The following NUMB variants were observed in gnomAD, a reference collection of about 807,000 sequenced individuals.
The protein encoded by NUMB is NUMB endocytic adaptor protein.
NUMB carries 29 observed loss-of-function variants against 59.7 expected under a neutral mutation model. That is an observed-to-expected ratio of 0.49 (90% CI 0.36 to 0.66). The LOEUF is 0.66. Among genes scored for constraint, NUMB ranks in the 30% least tolerant of loss-of-function variants. The pLI, the probability that NUMB is intolerant of heterozygous loss-of-function variation, is 0.00. For missense variants in NUMB, 723 were observed against 822.0 expected (o/e 0.88, Z 1.47); for synonymous variants, 288 against 288.2 (o/e 1.00, Z 0.01).
intron 2 of NUMB, among the ~76,000 whole-genome samples, chr14:73,407,189 C>T (rs1394095556): frequency 6.6e-6 from 1 of 151,922 alleles, no homozygotes. Context: ...AACAAACTCA[C>T]TCCTGTCATC....
intron 1 of NUMB, among the ~76,000 whole-genome samples, chr14:73,418,851 G>C (rs1210174099): frequency 6.6e-6 from 1 of 151,730 alleles, no homozygotes; most frequent in African/African-American, 2.4e-5. Context: ...ACAACTTCTA[G>C]ACTGGAATGA....
intron 1 of NUMB, among the ~76,000 whole-genome samples, chr14:73,435,352 C>T (rs1001077469): frequency 1.4e-5 from 2 of 147,818 alleles, no homozygotes; most frequent in African/African-American, 2.5e-5. Flanking sequence ...CGACTCACTA[C>T]AAGCTCCACC....
chr14:73,321,623 A>G (rs904126411), intron 5 of NUMB, among the ~76,000 whole-genome samples: 3 of 152,226 alleles, frequency 2.0e-5, no homozygotes, highest in Non-Finnish European at 4.4e-5. Context: ...ATTATCTGAG[A>G]CTATGTTCAA....
At chr14:73,316,488 C>T (rs1891091864) in intron 5 of NUMB, 66 bp from the exon 6 acceptor site, 18 of 1,445,984 alleles carry the variant, frequency 1.2e-5, no homozygotes, top group Admixed American at 5.3e-5. Flanking sequence ...GAGTTTCACA[C>T]CAATAAGCAC....
chr14:73,346,881 C>A (rs767874504), intron 4 of NUMB, among the ~76,000 whole-genome samples: 1 of 152,144 alleles, frequency 6.6e-6, no homozygotes, highest in Non-Finnish European at 1.5e-5. Flanking sequence ...AGCATTCTTC[C>A]TTCATTTTAA....
intron 2 of NUMB, among the ~76,000 whole-genome samples, chr14:73,398,095 C>CA (rs1289524073): frequency 1.3e-5 from 2 of 151,958 alleles, no homozygotes; most frequent in Non-Finnish European, 2.9e-5. Flanking sequence ...CCCAGTTTCA[C>CA]AAAAAGAGCA....
At chr14:73,343,472 C>T in intron 4 of NUMB, among the ~76,000 whole-genome samples, 1 of 152,168 alleles carries the variant, frequency 6.6e-6, no homozygotes. Flanking sequence ...TTCTTTCAAC[C>T]AGCTTCCCCG....
At chr14:73,432,222 T>C (rs1043332031) in intron 1 of NUMB, among the ~76,000 whole-genome samples, 38 of 152,094 alleles carry the variant, frequency 2.5e-4, no homozygotes, top group African/African-American at 8.7e-4. Context: ...ATAATCAAGA[T>C]AATTTTACAG....
intron 2 of NUMB, among the ~76,000 whole-genome samples, chr14:73,407,531 T>C (rs1896724435): frequency 6.6e-6 from 1 of 152,238 alleles, no homozygotes; most frequent in Non-Finnish European, 1.5e-5. Flanking sequence ...ATTCTGATCA[T>C]TCGCAGTTGA....
chr14:73,380,388 G>C (rs1007217253), intron 2 of NUMB, among the ~76,000 whole-genome samples: 1 of 152,116 alleles, frequency 6.6e-6, no homozygotes, highest in Non-Finnish European at 1.5e-5. Context: ...AGGTTGAAGG[G>C]AACAAATCAA....
intron 6 of NUMB, among the ~76,000 whole-genome samples, chr14:73,302,890 G>GA (rs1225189195): frequency 2.6e-5 from 4 of 151,684 alleles, no homozygotes; most frequent in Admixed American, 6.6e-5. Context: ...TCAAAGGACT[G>GA]AAAAAAAACT....
chr14:73,445,132 T>C (rs1016078980), intron 1 of NUMB, among the ~76,000 whole-genome samples: 1 of 151,530 alleles, frequency 6.6e-6, no homozygotes, highest in Non-Finnish European at 1.5e-5. Flanking sequence ...ACTACTAACG[T>C]GGGTGCAGAT....
chr14:73,407,664 T>C lies in NUMB; in HGVS notation c.-101+2273A>G, dbSNP rs530710216. Reference sequence around the variant, plus strand: ...CTGAACCGACTCTGTTAAATTAAACTCATTATGATGTAAATCACTTTGGAA... The same window carrying C: ...CTGAACCGACTCTGTTAAATTAAACCCATTATGATGTAAATCACTTTGGAA... On this transcript the variant is annotated intron_variant, in intron 2 of 12. Coordinates refer to ENST00000555238, the MANE Select transcript of NUMB (RefSeq NM_001005743.2). 2.0e-5 allele frequency among the ~76,000 whole-genome samples: 3 copies of C among 152,332 alleles called. No homozygotes were observed. The South Asian group carries it at 6.2e-4, about 32-fold the overall frequency.
At chr14:73,424,832 A>G (rs1438759637) in intron 1 of NUMB, among the ~76,000 whole-genome samples, 4 of 152,268 alleles carry the variant, frequency 2.6e-5, no homozygotes, top group African/African-American at 4.8e-5. Flanking sequence ...TCTGATTTAT[A>G]AAGAAAAAAT....
intron 4 of NUMB, among the ~76,000 whole-genome samples, chr14:73,327,636 G>A (rs1891733070): frequency 6.6e-6 from 1 of 152,016 alleles, no homozygotes; most frequent in South Asian, 2.1e-4. Context: ...TCATTATTGA[G>A]CAAAACTAAA....
At chr14:73,390,272 A>C (rs1270110600) in intron 2 of NUMB, among the ~76,000 whole-genome samples, 1 of 152,216 alleles carries the variant, frequency 6.6e-6, no homozygotes, top group African/African-American at 2.4e-5. Context: ...TAAAATTATT[A>C]AGTGCTAAGA....
At chr14:73,356,077 C>A (rs1279906482) in intron 3 of NUMB, among the ~76,000 whole-genome samples, 1 of 152,128 alleles carries the variant, frequency 6.6e-6, no homozygotes. Flanking sequence ...ATTTCAAGAA[C>A]TTTAGTTATA....
intron 7 of NUMB, among the ~76,000 whole-genome samples, chr14:73,294,409 TG>T (rs1220422087): frequency 1.3e-5 from 2 of 152,130 alleles, no homozygotes; most frequent in African/African-American, 4.8e-5. Context: ...TTGGGCTATT[TG>T]GAGTCTGCCT....
At chr14:73,309,727 A>AATAATC (rs955278762) in intron 6 of NUMB, among the ~76,000 whole-genome samples, 4 of 138,502 alleles carry the variant, frequency 2.9e-5, no homozygotes, top group Admixed American at 1.4e-4. Flanking sequence ...GTATAATAAT[A>AATAATC]ATAATAATAA....
Sources: allele counts gnomAD v4.1 joint callset (sites outside exome capture counted in the v4.1 genomes callset), GRCh38; gene constraint gnomAD v4.1.1; transcripts MANE v1.5; gene names NCBI Gene and HGNC (gene_info 2026-07-23, HGNC 2026-07-21).